CAPZB: variants seen among roughly 807,000 people sequenced by gnomAD.
CAPZB encodes F-actin-capping protein subunit beta.
In CAPZB, 2 loss-of-function variants were observed where a neutral mutation model predicts 38.1. That is an observed-to-expected ratio of 0.05 (90% CI 0.02 to 0.17). CAPZB has a LOEUF of 0.17. CAPZB is among the 10% of genes least tolerant of loss of function. The pLI is 1.00. For synonymous variants in CAPZB, 107 were observed against 127.4 expected (o/e 0.84, Z 1.08); for missense variants, 161 against 334.2 (o/e 0.48, Z 4.04).
chr1:19,342,462 A>G (rs571217291), intron 8 of CAPZB, among the ~76,000 whole-genome samples: 1 of 152,288 alleles, frequency 6.6e-6, no homozygotes, highest in Non-Finnish European at 1.5e-5. Flanking sequence ...GCTGCTGGAG[A>G]GGCAGCATCC....
intron 1 of CAPZB, among the ~76,000 whole-genome samples, chr1:19,429,987 C>T (rs571960440): frequency 2.0e-5 from 3 of 152,292 alleles, no homozygotes; most frequent in Admixed American, 2.0e-4. Context: ...TTTTCCTGCA[C>T]TCTAGTAACT....
chr1:19,440,265 T>C (rs1248556941), intron 1 of CAPZB, among the ~76,000 whole-genome samples: 1 of 152,188 alleles, frequency 6.6e-6, no homozygotes, highest in African/African-American at 2.4e-5. Context: ...CTTAAACTCC[T>C]GGGCTCAAGC....
chr1:19,369,494 G>A (rs1037893737), intron 4 of CAPZB, among the ~76,000 whole-genome samples: 5 of 152,394 alleles, frequency 3.3e-5, no homozygotes, highest in African/African-American at 1.2e-4. Context: ...GCAAGCCGGT[G>A]TCCCACAGCA....
intron 2 of CAPZB, among the ~76,000 whole-genome samples, chr1:19,393,132 G>A (rs1185875527): frequency 3.3e-5 from 5 of 152,238 alleles, no homozygotes; most frequent in African/African-American, 7.2e-5. Flanking sequence ...ACTGAGCCAC[G>A]GAAGCACAGC....
intron 1 of CAPZB, among the ~76,000 whole-genome samples, chr1:19,472,564 G>A (rs1418468034): frequency 6.6e-6 from 1 of 152,132 alleles, no homozygotes; most frequent in Non-Finnish European, 1.5e-5. Flanking sequence ...AGAAGAGGAG[G>A]AGAAAGGGAA....
intron 2 of CAPZB, among the ~76,000 whole-genome samples, chr1:19,418,107 GC>G (rs1339056144): frequency 2.1e-4 from 24 of 112,074 alleles, no homozygotes; most frequent in African/African-American, 8.4e-4. Context: ...CTGCACTACA[GC>G]CCGGGTGACA....
At chr1:19,438,359 A>G (rs2094464879) in intron 1 of CAPZB, among the ~76,000 whole-genome samples, 2 of 152,230 alleles carry the variant, frequency 1.3e-5, no homozygotes, top group African/African-American at 4.8e-5. Context: ...GCCTCCAGAA[A>G]GTCAGGGAAA....
chr1:19,370,289 C>T (rs1230867090), intron 4 of CAPZB, among the ~76,000 whole-genome samples: 1 of 152,214 alleles, frequency 6.6e-6, no homozygotes, highest in African/African-American at 2.4e-5. Context: ...CCAGACCACC[C>T]GAGGCTCCAT....
chr1:19,457,661 A>G (rs2094537128), intron 1 of CAPZB, among the ~76,000 whole-genome samples: 1 of 152,226 alleles, frequency 6.6e-6, no homozygotes, highest in Non-Finnish European at 1.5e-5. Flanking sequence ...CCCAGTGTTA[A>G]CAAAGAAGCA....
At chr1:19,454,448 C>CT (rs1484103273) in intron 1 of CAPZB, among the ~76,000 whole-genome samples, 1 of 152,174 alleles carries the variant, frequency 6.6e-6, no homozygotes, top group Non-Finnish European at 1.5e-5. Context: ...TTTCCTGCTG[C>CT]TTTTATTTTG....
intron 4 of CAPZB, among the ~76,000 whole-genome samples, chr1:19,363,262 T>TTTTTTTC (rs1313919497): frequency 7.9e-6 from 1 of 126,254 alleles, no homozygotes; most frequent in Non-Finnish European, 1.5e-5. Flanking sequence ...AAAAAAAAAT[T>TTTTTTTC]TTTTTTTTTT....
chr1:19,458,000 G>A (rs936670755), intron 1 of CAPZB, among the ~76,000 whole-genome samples: 1 of 151,638 alleles, frequency 6.6e-6, no homozygotes, highest in Admixed American at 6.6e-5. Flanking sequence ...AAAAGTCTTA[G>A]GTCATAATAA....
chr1:19,414,877 T>A (rs1243445407), intron 2 of CAPZB, among the ~76,000 whole-genome samples: 2 of 152,196 alleles, frequency 1.3e-5, no homozygotes, highest in African/African-American at 2.4e-5. Flanking sequence ...TCTAGCACAA[T>A]GGGATTAATA....
chr1:19,436,675 G>A (rs201259906), intron 1 of CAPZB, among the ~76,000 whole-genome samples: 4 of 151,850 alleles, frequency 2.6e-5, no homozygotes, highest in Admixed American at 2.6e-4. Context: ...CATAGCTAAG[G>A]AGGGACAACT....
chr1:19,361,729 G>A (rs911392434), intron 4 of CAPZB, among the ~76,000 whole-genome samples: 5 of 152,152 alleles, frequency 3.3e-5, no homozygotes, highest in African/African-American at 1.2e-4. Flanking sequence ...TTACATAAAG[G>A]CTTTTGTGGG....
intron 1 of CAPZB, among the ~76,000 whole-genome samples, chr1:19,431,504 G>A (rs1161436453): frequency 2.0e-5 from 3 of 152,066 alleles, no homozygotes; most frequent in African/African-American, 4.8e-5. Flanking sequence ...CCATCTGGCC[G>A]AGGTCAGCAG....
chr1:19,366,703 C>A (rs569856317), intron 4 of CAPZB, among the ~76,000 whole-genome samples: 1 of 150,714 alleles, frequency 6.6e-6, no homozygotes, highest in Non-Finnish European at 1.5e-5. Context: ...GAAACAACAA[C>A]AACAAACAAA....
chr1:19,376,575 CT>C (rs2094145766), intron 4 of CAPZB, among the ~76,000 whole-genome samples: 3 of 152,240 alleles, frequency 2.0e-5, no homozygotes, highest in Admixed American at 2.0e-4. Flanking sequence ...ACCAGCCCCC[CT>C]GCCTGGCTGG....
intron 8 of CAPZB, 107 bp from the exon 9 acceptor site, chr1:19,339,724 G>A (rs372284923): frequency 5.3e-5 from 45 of 848,056 alleles, no homozygotes; most frequent in African/African-American, 5.1e-4. Context: ...GCATGGACCC[G>A]CTTCCTGGGG....
Sources: allele counts gnomAD v4.1 joint callset (sites outside exome capture counted in the v4.1 genomes callset), GRCh38; gene constraint gnomAD v4.1.1; transcripts MANE v1.5; gene names NCBI Gene and HGNC (gene_info 2026-07-23, HGNC 2026-07-21).